The following SLC35D2 variants were observed in gnomAD, a reference collection of about 807,000 sequenced individuals.
SLC35D2 encodes the protein nucleotide sugar transporter SLC35D2.
A neutral mutation model predicts 41.8 loss-of-function variants in SLC35D2; 43 were observed. The ratio of observed to expected loss-of-function variants is 1.03; its 90% confidence interval spans 0.81 to 1.33. The LOEUF is 1.33. Among genes scored for constraint, SLC35D2 ranks in the 40% most tolerant of loss-of-function variants. The probability of loss-of-function intolerance (pLI) is 0.00; values close to 1 mark genes in which losing one functional copy is unlikely to be tolerated. For missense variants in SLC35D2, 380 were observed against 408.4 expected (o/e 0.93, Z 0.60); for synonymous variants, 150 against 163.9 (o/e 0.92, Z 0.65).
Position 96,383,639 on chromosome 9 carries a change from T to C in SLC35D2, c.-5A>G, listed in dbSNP as rs1215787791. ...GGCCTGGCCGCCGGCCGTCATCTCC[T>C]GCGGCCCCGCGGACCCCGCCGCCCG... On this transcript the variant is annotated 5_prime_UTR_variant, in exon 1 of 12. Coordinates refer to ENST00000253270, the MANE Select transcript of SLC35D2 (RefSeq NM_007001.3). 1 of 1,078,126 alleles carries C rather than the reference T, an allele frequency of 9.3e-7. No individual in the cohort carries two copies. Among genetic ancestry groups the C allele is most frequent in the East Asian group, 6.5e-5 (1 of 15,364 alleles). 66.8% of individuals were successfully genotyped at this position (1,078,126 alleles called of 1,614,324 possible). A position where few individuals can be genotyped will look rare whatever the true frequency, so the allele number is the denominator to read the frequency against.
At chr9:96,360,113 G>A in intron 4 of SLC35D2, 41 bp downstream of exon 4, 1 of 1,470,050 alleles carries the variant, frequency 6.8e-7, no homozygotes, top group Non-Finnish European at 9.5e-7. Flanking sequence ...TGGCAGCACA[G>A]AGGTGAGGAA....
intron 1 of SLC35D2, among the ~76,000 whole-genome samples, chr9:96,380,581 C>G (rs1229910088): frequency 6.6e-6 from 1 of 151,896 alleles, no homozygotes; most frequent in Non-Finnish European, 1.5e-5. Flanking sequence ...ACTCAGCCTC[C>G]CAAGTAGCTG....
chr9:96,348,633 TCTGTAGCTAAGCA>T (rs757142141), intron 6 of SLC35D2, among the ~76,000 whole-genome samples: 16 of 152,294 alleles, frequency 1.1e-4, no homozygotes, highest in South Asian at 2.1e-4. Context: ...TCACTGCTGA[TCTGTAGCTAAGCA>T]CTGTGGCTAA....
chr9:96,373,678 ACT>A (rs1225950745), intron 1 of SLC35D2, among the ~76,000 whole-genome samples: 2 of 128,876 alleles, frequency 1.6e-5, no homozygotes, highest in Non-Finnish European at 3.2e-5. Flanking sequence ...CAAGAGCAAG[ACT>A]CTCTCAAAAA....
rs746523017 is a variant in SLC35D2 at position 96,364,523 on chromosome 9, CAT to C, written c.218_219del (p.Tyr73CysfsTer12). On this transcript the variant is annotated frameshift_variant, in exon 3 of 12. Transcript: ENST00000253270. LOFTEE classifies it high-confidence loss of function. ...GQMAATIMIL[Y>X]VSKLNKIIHF... ...TGAATGATTTTGTTTAGCTTGGACACATATAGTATCATTATGGTGGCTGCCAT... is the reference window on the plus strand; with the variant it reads ...TGAATGATTTTGTTTAGCTTGGACACATAGTATCATTATGGTGGCTGCCAT... The C allele has an allele frequency of 6.2e-7, 1 of 1,605,848 alleles. No individual in the cohort carries two copies. Among genetic ancestry groups the C allele is most frequent in the African/African-American group, 1.3e-5 (1 of 74,684 alleles).
At chr9:96,339,816 G>A (rs1829232703) in intron 8 of SLC35D2, among the ~76,000 whole-genome samples, 1 of 152,162 alleles carries the variant, frequency 6.6e-6, no homozygotes, top group African/African-American at 2.4e-5. Context: ...ATCAGAGATA[G>A]AATTGAGGCA....
At chr9:96,327,259 G>A (rs1828579045) in intron 9 of SLC35D2, among the ~76,000 whole-genome samples, 1 of 152,194 alleles carries the variant, frequency 6.6e-6, no homozygotes, top group Non-Finnish European at 1.5e-5. Context: ...GGGTTGGGGG[G>A]AACCTCATCT....
chr9:96,319,431 G>A (rs1170324095), downstream of SLC35D2, among the ~76,000 whole-genome samples: 1 of 152,054 alleles, frequency 6.6e-6, no homozygotes, highest in South Asian at 2.1e-4. Flanking sequence ...CAATCAGTAT[G>A]GTTACTCCTA....
chr9:96,331,328 G>A (rs940608931), intron 9 of SLC35D2, among the ~76,000 whole-genome samples: 4 of 152,184 alleles, frequency 2.6e-5, no homozygotes, highest in African/African-American at 9.6e-5. Context: ...TTTATCTTAT[G>A]TAAAATGCAG....
At chr9:96,323,470 A>G (rs951683630) in intron 10 of SLC35D2, among the ~76,000 whole-genome samples, 3 of 152,148 alleles carry the variant, frequency 2.0e-5, no homozygotes, top group African/African-American at 7.2e-5. Flanking sequence ...ATCACAAGGT[A>G]TCTTGCTAAT....
At chr9:96,337,069 A>G (rs1411203773) in intron 8 of SLC35D2, among the ~76,000 whole-genome samples, 1 of 152,264 alleles carries the variant, frequency 6.6e-6, no homozygotes, top group African/African-American at 2.4e-5. Context: ...GCTGATGGCC[A>G]GCACAAAATC....
intron 2 of SLC35D2, among the ~76,000 whole-genome samples, chr9:96,366,226 CAGG>C (rs1202040531): frequency 6.7e-6 from 1 of 148,266 alleles, no homozygotes; most frequent in Non-Finnish European, 1.5e-5. Context: ...CACTTGAGCC[CAGG>C]AGGTGAAGGG....
intron 2 of SLC35D2, among the ~76,000 whole-genome samples, chr9:96,367,219 CAAA>C (rs1171888357): frequency 1.4e-5 from 1 of 70,986 alleles, no homozygotes; most frequent in Admixed American, 1.7e-4. Context: ...GACTCAGTCA[CAAA>C]AAAAAAAAAA....
chr9:96,374,696 A>G (rs1587724450), intron 1 of SLC35D2, among the ~76,000 whole-genome samples: 1 of 129,910 alleles, frequency 7.7e-6, no homozygotes, highest in Non-Finnish European at 1.7e-5. Context: ...AAATTAGCCG[A>G]GCGTGGTGGC....
Position 96,321,202 on chromosome 9 carries a change from C to A in SLC35D2, c.*40G>T, listed in dbSNP as rs768269416. The A allele has an allele frequency of 1.2e-5, 18 of 1,469,934 alleles. No individual in the cohort carries two copies. The highest frequency in any genetic ancestry group is 1.7e-5 in the Non-Finnish European group (18 of 1,051,962). 91.1% of individuals were successfully genotyped at this position (1,469,934 alleles called of 1,614,324 possible). A position where few individuals can be genotyped will look rare whatever the true frequency, so the allele number is the denominator to read the frequency against. ...TTCCTACTGGGAATGCCCCCCCAGC[C>A]CGCAGTCACAAGTCAGTCTCCAATC... On this transcript the variant is annotated 3_prime_UTR_variant, in exon 12 of 12. Coordinates refer to ENST00000253270, the MANE Select transcript of SLC35D2 (RefSeq NM_007001.3).
rs1829452086 is a variant in SLC35D2 at position 96,343,929 on chromosome 9, CTAA to C, written c.656_658del (p.Ile219del). The C allele has an allele frequency of 6.3e-7, 1 of 1,589,882 alleles. No homozygotes were observed. The highest frequency in any genetic ancestry group is 8.5e-7 in the Non-Finnish European group (1 of 1,170,398). On this transcript the variant is annotated inframe_deletion, in exon 8 of 12. Coordinates refer to ENST00000253270, the MANE Select transcript of SLC35D2 (RefSeq NM_007001.3). ...CTGTTGCAGGTCTCCAGTGGAGACACTAATAATAAGAGTTGGGATAATCATGAA... is the reference window on the plus strand; with the variant it reads ...CTGTTGCAGGTCTCCAGTGGAGACACTAATAAGAGTTGGGATAATCATGAA...
chr9:96,353,684 T>G (rs1829905830), intron 4 of SLC35D2, among the ~76,000 whole-genome samples: 1 of 152,194 alleles, frequency 6.6e-6, no homozygotes, highest in Non-Finnish European at 1.5e-5. Context: ...AAAGGTAGAT[T>G]ATGGGTGATT....
intron 8 of SLC35D2, among the ~76,000 whole-genome samples, chr9:96,339,517 A>G (rs779715890): frequency 6.6e-6 from 1 of 152,242 alleles, no homozygotes; most frequent in Non-Finnish European, 1.5e-5. Flanking sequence ...ATCATAAAAA[A>G]TAATGTAGCA....
intron 8 of SLC35D2, among the ~76,000 whole-genome samples, chr9:96,343,057 T>C (rs1048383056): frequency 6.6e-6 from 1 of 152,206 alleles, no homozygotes; most frequent in African/African-American, 2.4e-5. Flanking sequence ...GTTTTGCCCA[T>C]CGCATCTCGT....
Sources: gnomAD v4.1 joint callset for allele counts (sites outside exome capture counted in the v4.1 genomes callset) on GRCh38, gnomAD v4.1.1 for gene constraint, MANE v1.5 for transcripts, NCBI Gene and HGNC (gene_info 2026-07-23, HGNC 2026-07-21) for gene names.